ADGRB1: variants seen among roughly 807,000 people sequenced by gnomAD.
ADGRB1 encodes adhesion G protein-coupled receptor B1, also known as brain-specific angiogenesis inhibitor 1.
Under a neutral mutation model 175.7 loss-of-function variants are expected in ADGRB1, and 36 were observed. That is an observed-to-expected ratio of 0.20 (90% CI 0.16 to 0.27). The LOEUF is 0.27. Ranked by LOEUF, ADGRB1 falls within the 10% of genes least tolerant of loss-of-function variation. ADGRB1 has a pLI of 1.00. For synonymous variants in ADGRB1, 1,054 were observed against 979.4 expected (o/e 1.08, Z -1.42); for missense variants, 1,731 against 2,255.3 (o/e 0.77, Z 4.71).
chr8:142,464,065 C>CT lies in ADGRB1; in HGVS notation c.-133dup, dbSNP rs1366538105. On this transcript the variant is annotated 5_prime_UTR_variant, in exon 2 of 31. Transcript: ENST00000517894. ...TCTCTGTCACCTGAAGCGGGGCCCT[C>CT]TCCCATCCCACCCTTGCCCCGCCTC... 1 of 719,690 alleles carries CT rather than the reference C, an allele frequency of 1.4e-6. No individual in the cohort carries two copies. Among genetic ancestry groups the CT allele is most frequent in the Non-Finnish European group, 1.9e-6 (1 of 528,934 alleles). 44.6% of individuals were successfully genotyped at this position (719,690 alleles called of 1,614,324 possible). A position where few individuals can be genotyped will look rare whatever the true frequency, so the allele number is the denominator to read the frequency against.
chr8:142,507,097 G>C (rs1842885069), intron 17 of ADGRB1, among the ~76,000 whole-genome samples: 1 of 152,230 alleles, frequency 6.6e-6, no homozygotes, highest in African/African-American at 2.4e-5. Context: ...CTGCTTCCCT[G>C]AGCCTTGGTT....
At chr8:142,507,707 C>T (rs1210402592) in intron 17 of ADGRB1, among the ~76,000 whole-genome samples, 1 of 152,244 alleles carries the variant, frequency 6.6e-6, no homozygotes, top group African/African-American at 2.4e-5. Context: ...CTCCCTGCAC[C>T]CTCGAAGTGC....
chr8:142,478,943 G>C (rs920333690), intron 7 of ADGRB1, among the ~76,000 whole-genome samples: 7 of 149,774 alleles, frequency 4.7e-5, no homozygotes, highest in Non-Finnish European at 1.0e-4. Flanking sequence ...GGAGTGCACA[G>C]TGGGACTTGG....
chr8:142,502,509 G>A (rs1477243579), intron 17 of ADGRB1, among the ~76,000 whole-genome samples: 4 of 109,308 alleles, frequency 3.7e-5, no homozygotes, highest in Non-Finnish European at 6.4e-5. Context: ...ATGGGGTGGC[G>A]TTAGTGATGG....
At chr8:142,488,629 T>C (rs2131870902) in intron 14 of ADGRB1, 122 bp downstream of exon 14, 1 of 1,330,414 alleles carries the variant, frequency 7.5e-7, no homozygotes, top group Non-Finnish European at 1.0e-6. Flanking sequence ...AAGGGGGTCC[T>C]CTTTTCCAGG....
At position 142,474,476 on chromosome 8, in the gene ADGRB1, C is replaced by T. The variant is rs1342660629; in HGVS notation, c.785-998C>T. 3.9e-5 allele frequency among the ~76,000 whole-genome samples: 6 copies of T among 152,134 alleles called. No homozygotes were observed. The highest frequency in any genetic ancestry group is 1.4e-4 in the African/African-American group (6 of 41,436). ...GAGCCCAGAGTGCTGGGCAGGAGGCCCGAGCGGGAGGCCTGGACGCGGCAG... is the reference window on the plus strand; with the variant it reads ...GAGCCCAGAGTGCTGGGCAGGAGGCTCGAGCGGGAGGCCTGGACGCGGCAG... On this transcript the variant is annotated intron_variant, in intron 2 of 30. Coordinates refer to ENST00000517894, the MANE Select transcript of ADGRB1 (RefSeq NM_001702.3). The surrounding 1 kb of genome is among the most constrained non-coding windows in gnomAD (Gnocchi z 5.8).
At position 142,477,428 on chromosome 8, in the gene ADGRB1, C is replaced by T. The variant is rs540709636; in HGVS notation, c.1266C>T (p.Ser422=). The T allele has an allele frequency of 4.3e-6, 7 of 1,611,680 alleles. No homozygotes were observed. The Admixed American group carries it at 6.7e-5, about 15-fold the overall frequency. The change falls in exon 6 of 31, where the codon TCC becomes TCT. Residue 422 remains serine (S), a synonymous_variant. Coordinates refer to ENST00000517894, the MANE Select transcript of ADGRB1 (RefSeq NM_001702.3). ...AGTGGTCGCCCTGGAGCCTCTGCTC[C>T]AGCACCTGTGGCCGTGGCTTTCGGG... ...WDEWSPWSLC[S]STCGRGFRDR...
chr8:142,529,093 C>T (rs1184556964), intron 24 of ADGRB1, among the ~76,000 whole-genome samples: 5 of 152,280 alleles, frequency 3.3e-5, no homozygotes, highest in African/African-American at 7.2e-5. Flanking sequence ...ATGACACCCC[C>T]GCAGTTCTGT....
At position 142,543,404 on chromosome 8, in the gene ADGRB1, G is replaced by A. The variant is rs745511683; in HGVS notation, c.4415G>A (p.Arg1472Gln). Residue 1472 changes from arginine to glutamine, a missense_variant and splice_region_variant, in exon 29 of 31, where the codon CGG becomes CAG. Coordinates refer to ENST00000517894, the MANE Select transcript of ADGRB1 (RefSeq NM_001702.3). The surrounding 1 kb of genome is among the most constrained non-coding windows in gnomAD (Gnocchi z 4.4). ...TTCGCAAACCCCTTCTCCCTGCAGC[G>A]GCGGAAGTCGCGGTATGCAGAACTG... ...VATLSVSSLE[R>Q]RKSRYAELDF... is the part of the protein sequence containing the mutation. The A allele has an allele frequency of 2.2e-5, 35 of 1,613,666 alleles. No homozygotes were observed. In the East Asian group the frequency reaches 3.6e-4, roughly 16 times the overall value.
At chr8:142,501,692 G>A (rs1587358004) in intron 17 of ADGRB1, among the ~76,000 whole-genome samples, 1 of 126,284 alleles carries the variant, frequency 7.9e-6, no homozygotes, top group Non-Finnish European at 1.7e-5. Flanking sequence ...TTTGACGATG[G>A]AGGTGGGGTG....
intron 17 of ADGRB1, among the ~76,000 whole-genome samples, chr8:142,497,157 G>A (rs1005895519): frequency 1.3e-5 from 2 of 152,252 alleles, no homozygotes; most frequent in African/African-American, 4.8e-5. Flanking sequence ...GTGCTCACTG[G>A]CAGATCCAGG....
chr8:142,505,262 G>T (rs1168678337), intron 17 of ADGRB1, among the ~76,000 whole-genome samples: 1 of 152,230 alleles, frequency 6.6e-6, no homozygotes, highest in African/African-American at 2.4e-5. Flanking sequence ...CTGCCGGGCT[G>T]GACAAGCATC....
chr8:142,515,460 C>A (rs765677804), intron 18 of ADGRB1, among the ~76,000 whole-genome samples: 1 of 151,908 alleles, frequency 6.6e-6, no homozygotes, highest in Admixed American at 6.6e-5. Flanking sequence ...GGAGAGCTGG[C>A]GGGTTTGCGG....
In ADGRB1 at chr8:142,544,387, G is replaced by A. The variant is rs1441885961; in HGVS notation, c.4725G>A (p.Gln1575=). 4 of 1,517,928 alleles carry A rather than the reference G, an allele frequency of 2.6e-6. No homozygotes were observed. In the East Asian group the frequency reaches 9.9e-5, roughly 37 times the overall value. The allele number at this position is 1,517,928 out of a possible 1,614,324, so 94.0% of individuals were successfully genotyped here. Residue 1575 remains glutamine, a synonymous_variant, in exon 31 of 31, where the codon CAG becomes CAA. Coordinates refer to ENST00000517894, the MANE Select transcript of ADGRB1 (RefSeq NM_001702.3). ...RSGATIPLVG[Q]DIIDLQTEV is the part of the protein sequence containing the mutation. ...GCGCCACGATCCCGCTGGTGGGCCA[G>A]GACATCATCGACCTCCAGACCGAGG... is the stretch of plus-strand genomic sequence containing the variant.
Position 142,504,747 on chromosome 8 carries a change from C to T in ADGRB1, c.2676-6185C>T, listed in dbSNP as rs1320630995. 6.6e-6 allele frequency among the ~76,000 whole-genome samples: 1 copy of T among 151,996 alleles called. No individual in the cohort carries two copies. Among genetic ancestry groups the T allele is most frequent in the Non-Finnish European group, 1.5e-5 (1 of 67,970 alleles). Reference sequence around the variant, plus strand: ...CTTGTACCTAGGGGTGATCGAGCCGCGTGTTGGTTTAAGGGGCACTGGGGA... The same window carrying T: ...CTTGTACCTAGGGGTGATCGAGCCGTGTGTTGGTTTAAGGGGCACTGGGGA... On this transcript the variant is annotated intron_variant, in intron 17 of 30. Coordinates refer to ENST00000517894, the MANE Select transcript of ADGRB1 (RefSeq NM_001702.3). This position sits in a 1 kb window ranked among gnomAD's most constrained non-coding sequence, Gnocchi z 5.6.
At chr8:142,540,946 T>G (rs1845236289) in intron 27 of ADGRB1, among the ~76,000 whole-genome samples, 1 of 150,942 alleles carries the variant, frequency 6.6e-6, no homozygotes, top group East Asian at 2.0e-4. Context: ...GGAGAGAGAG[T>G]GACCCCTGGC....
chr8:142,488,604 A>T (rs979518743), intron 14 of ADGRB1, 97 bp downstream of exon 14: 2 of 1,495,108 alleles, frequency 1.3e-6, no homozygotes, highest in African/African-American at 2.8e-5. Flanking sequence ...GCTGCCTCAG[A>T]GTTGGGCGGT....
At chr8:142,482,039 T>C (rs62511459) in intron 11 of ADGRB1, among the ~76,000 whole-genome samples, 3 of 46,246 alleles carry the variant, frequency 6.5e-5, no homozygotes, top group East Asian at 6.9e-4. Flanking sequence ...GCCCTGATCA[T>C]AGGCTGAGCC....
At chr8:142,469,795 G>A (rs1389010621) in intron 2 of ADGRB1, among the ~76,000 whole-genome samples, 1 of 151,996 alleles carries the variant, frequency 6.6e-6, no homozygotes, top group Admixed American at 6.6e-5. Flanking sequence ...GTGCACGTGC[G>A]TGTGCGTGGG....
Sources: allele counts gnomAD v4.1 joint callset (sites outside exome capture counted in the v4.1 genomes callset), GRCh38; gene constraint gnomAD v4.1.1; non-coding constraint Gnocchi (gnomAD v3.1); transcripts MANE v1.5; gene names NCBI Gene and HGNC (gene_info 2026-07-23, HGNC 2026-07-21).